Variants in CHL1 observed in about 807,000 individuals in gnomAD.
CHL1 encodes neural cell adhesion molecule L1-like protein.
CHL1 carries 96 observed loss-of-function variants against 141.9 expected under a neutral mutation model. The observed-to-expected ratio is 0.68, with a 90% CI of 0.57 to 0.80. The LOEUF (loss-of-function observed/expected upper bound fraction) is 0.80, where lower values mean the gene tolerates loss of function less well. Among genes scored for constraint, CHL1 ranks in the 30% least tolerant of loss-of-function variants. CHL1 has a pLI of 0.00. For missense variants in CHL1, 1,820 were observed against 1,457.2 expected (o/e 1.25, Z -4.05); for synonymous variants, 613 against 502.2 (o/e 1.22, Z -2.95).
Position 285,144 on chromosome 3 carries a change from T to C in CHL1, c.-94-34539T>C, listed in dbSNP as rs144686654. Among the ~76,000 whole-genome samples the C allele has an allele frequency of 2.6e-3, 390 of 152,374 alleles. 2 individuals carry two copies. The highest frequency in any genetic ancestry group is 4.4e-3 in the Non-Finnish European group (296 of 68,030). ...GAAATAATTAGAATAAGTTTCATTA[T>C]CACCTTTCACCTTTTATGCTAGATG... On this transcript the variant is annotated intron_variant, in intron 2 of 27. Coordinates refer to ENST00000256509, the MANE Select transcript of CHL1 (RefSeq NM_006614.4).
intron 2 of CHL1, among the ~76,000 whole-genome samples, chr3:295,032 C>A (rs1320585691): frequency 1.3e-5 from 2 of 152,068 alleles, no homozygotes; most frequent in Non-Finnish European, 2.9e-5. Flanking sequence ...TCTTGCCCTC[C>A]CTTTCTCCTT....
intron 1 of CHL1, among the ~76,000 whole-genome samples, chr3:214,956 GCACACACACACACA>G (rs5845952): frequency 6.7e-5 from 10 of 150,276 alleles, no homozygotes; most frequent in African/African-American, 2.4e-4. Flanking sequence ...ATGTGCACGT[GCACACACACACACA>G]CACACACACA....
chr3:267,098 T>C (rs777244383), intron 2 of CHL1, among the ~76,000 whole-genome samples: 52 of 152,230 alleles, frequency 3.4e-4, no homozygotes, highest in Non-Finnish European at 7.1e-4. Flanking sequence ...TATTTCCTAT[T>C]TCACAGTAGT....
intron 2 of CHL1, among the ~76,000 whole-genome samples, chr3:280,894 A>G (rs572152118): frequency 6.8e-6 from 1 of 146,346 alleles, no homozygotes; most frequent in Non-Finnish European, 1.5e-5. Context: ...CACATGCACC[A>G]CACACACACA....
At chr3:342,946 T>G in intron 7 of CHL1, 38 bp from the exon 8 acceptor site, 6 of 1,527,996 alleles carry the variant, frequency 3.9e-6, no homozygotes, top group Non-Finnish European at 5.4e-6. Context: ...GCATCCACCA[T>G]TATGTTTGTG....
At chr3:294,215 A>T (rs958470136) in intron 2 of CHL1, among the ~76,000 whole-genome samples, 3 of 152,034 alleles carry the variant, frequency 2.0e-5, no homozygotes, top group Non-Finnish European at 2.9e-5. Context: ...GCTACTCAGG[A>T]GGGTGAGGTT....
intron 15 of CHL1, 26 bp from the exon 16 acceptor site, chr3:377,792 T>G: frequency 6.3e-7 from 1 of 1,579,754 alleles, no homozygotes. Context: ...TTCCTTCTCA[T>G]CATGTACTCA....
chr3:382,098 G>T (rs370224013), intron 16 of CHL1, 81 bp from the exon 17 acceptor site: 5 of 1,211,440 alleles, frequency 4.1e-6, no homozygotes, highest in Non-Finnish European at 6.0e-6. Flanking sequence ...CTCTGTCTCC[G>T]GGTAGCTGGC....
Position 242,086 on chromosome 3 carries a change from A to G in CHL1, c.-174-2527A>G, listed in dbSNP as rs1349006457. ...ACTATATGTATATCCTAAATTGTAC[A>G]GAGACACTAGTATGCTAAAATTTAT... On this transcript the variant is annotated intron_variant, in intron 1 of 27. Transcript: ENST00000256509. Among the ~76,000 whole-genome samples, 5 of 152,220 alleles carry G rather than the reference A, an allele frequency of 3.3e-5. 1 individual carries two copies. The highest frequency in any genetic ancestry group is 2.9e-5 in the Non-Finnish European group (2 of 68,030).
chr3:345,526 C>T (rs896979637), intron 9 of CHL1, among the ~76,000 whole-genome samples: 1 of 151,778 alleles, frequency 6.6e-6, no homozygotes, highest in Non-Finnish European at 1.5e-5. Context: ...CTCTGTCACC[C>T]ATGCTGGAGT....
intron 1 of CHL1, among the ~76,000 whole-genome samples, chr3:209,576 T>C (rs1699724672): frequency 6.6e-6 from 1 of 152,210 alleles, no homozygotes; most frequent in South Asian, 2.1e-4. Context: ...TTTTTTGTCA[T>C]TATTATACTT....
At chr3:377,438 T>G (rs1706471529) in intron 15 of CHL1, among the ~76,000 whole-genome samples, 1 of 152,160 alleles carries the variant, frequency 6.6e-6, no homozygotes, top group African/African-American at 2.4e-5. Flanking sequence ...TAGGAAGCAC[T>G]CCAATCGAGC....
chr3:281,183 G>C (rs1696619584), intron 2 of CHL1, among the ~76,000 whole-genome samples: 1 of 152,112 alleles, frequency 6.6e-6, no homozygotes, highest in African/African-American at 2.4e-5. Context: ...AATTTCAAGG[G>C]CCCTCAGGTT....
chr3:323,889 C>T (rs558601641), intron 3 of CHL1, among the ~76,000 whole-genome samples: 3 of 152,064 alleles, frequency 2.0e-5, no homozygotes, highest in Non-Finnish European at 4.4e-5. Flanking sequence ...AAAGCAATTA[C>T]AGAGATTTGC....
chr3:406,883 G>A lies in CHL1; in HGVS notation c.*1172G>A. 6.6e-6 allele frequency: 1 copy of A among 152,036 alleles called. No individual in the cohort carries two copies. Among genetic ancestry groups the A allele is most frequent in the Non-Finnish European group, 1.5e-5 (1 of 67,976 alleles). The allele number at this position is 152,036 out of a possible 1,614,324, so 9.4% of individuals were successfully genotyped here. ...AATGTTTTCATATTTTTCAAAATAG[G>A]TTTTTATTGTTGAATGTACATCTAC... On this transcript the variant is annotated 3_prime_UTR_variant, in exon 28 of 28. Coordinates refer to ENST00000256509, the MANE Select transcript of CHL1 (RefSeq NM_006614.4).
intron 2 of CHL1, among the ~76,000 whole-genome samples, chr3:279,340 A>G (rs1696432154): frequency 6.6e-6 from 1 of 152,006 alleles, no homozygotes; most frequent in Non-Finnish European, 1.5e-5. Flanking sequence ...TAAGCTTCTT[A>G]AAATATTTAT....
intron 2 of CHL1, chr3:247,726 C>T (rs1012959861): frequency 6.6e-6 from 1 of 152,088 alleles, no homozygotes; most frequent in African/African-American, 2.4e-5. Context: ...GATAGCCCCA[C>T]ATAGCCAAGT....
chr3:357,606 T>C (rs762965678), intron 11 of CHL1, among the ~76,000 whole-genome samples: 1 of 152,158 alleles, frequency 6.6e-6, no homozygotes, highest in Non-Finnish European at 1.5e-5. Flanking sequence ...TCTCACAGGG[T>C]TGACCAAAGA....
intron 16 of CHL1, 76 bp downstream of exon 16, chr3:378,018 G>A (rs1238727257): frequency 2.3e-6 from 3 of 1,329,622 alleles, no homozygotes; most frequent in Non-Finnish European, 2.0e-6. Flanking sequence ...GGCCAATAAA[G>A]CTAATGATTC....
Sources: gnomAD v4.1 joint callset for allele counts (sites outside exome capture counted in the v4.1 genomes callset) on GRCh38, gnomAD v4.1.1 for gene constraint, MANE v1.5 for transcripts, NCBI Gene and HGNC (gene_info 2026-07-23, HGNC 2026-07-21) for gene names.